CRPPA: variants seen among roughly 807,000 people sequenced by gnomAD.
CRPPA encodes the protein D-ribitol-5-phosphate cytidylyltransferase.
Under a neutral mutation model 52.0 loss-of-function variants are expected in CRPPA, and 43 were observed. The observed-to-expected ratio is 0.83, with a 90% CI of 0.65 to 1.07. The LOEUF (loss-of-function observed/expected upper bound fraction) is 1.07, where lower values mean the gene tolerates loss of function less well. Ranked by LOEUF, CRPPA falls within the 50% of genes least tolerant of loss-of-function variation. The pLI, the probability that CRPPA is intolerant of heterozygous loss-of-function variation, is 0.00. For synonymous variants in CRPPA, 250 were observed against 203.5 expected (o/e 1.23, Z -1.94); for missense variants, 629 against 551.7 (o/e 1.14, Z -1.40).
At chr7:16,301,541 G>A in intron 4 of CRPPA, 75 bp from the exon 5 acceptor site, 5 of 1,050,408 alleles carry the variant, frequency 4.8e-6, no homozygotes, top group Admixed American at 2.0e-5. Flanking sequence ...ATGCCCCCAA[G>A]GAAATTCTTG....
chr7:16,327,827 CA>C (rs1308777883), intron 3 of CRPPA, among the ~76,000 whole-genome samples: 1 of 151,980 alleles, frequency 6.6e-6, no homozygotes, highest in Non-Finnish European at 1.5e-5. Flanking sequence ...AATAAAGGGG[CA>C]ACATGCAACA....
intron 5 of CRPPA, among the ~76,000 whole-genome samples, chr7:16,288,565 G>A (rs537873689): frequency 1.3e-5 from 2 of 151,926 alleles, no homozygotes; most frequent in African/African-American, 4.8e-5. Context: ...CACAATACAG[G>A]CTGGGCACAG....
intron 9 of CRPPA, among the ~76,000 whole-genome samples, chr7:16,138,292 A>C (rs1039202123): frequency 1.1e-4 from 17 of 152,220 alleles, no homozygotes; most frequent in African/African-American, 4.1e-4. Context: ...CAATGCCTCA[A>C]GAAGAGAATT....
At chr7:16,125,270 A>C (rs1473886956) in intron 9 of CRPPA, among the ~76,000 whole-genome samples, 10 of 151,092 alleles carry the variant, frequency 6.6e-5, no homozygotes, top group Admixed American at 2.6e-4. Flanking sequence ...AAAAAAAAAA[A>C]AAAAAAAAAA....
In CRPPA at chr7:16,394,054, T is replaced by C. The variant is rs1371966576; in HGVS notation, c.534+12007A>G. On this transcript the variant is annotated intron_variant, in intron 2 of 9. Coordinates refer to ENST00000407010, the MANE Select transcript of CRPPA (RefSeq NM_001101426.4). Reference sequence around the variant, plus strand: ...AAGTAGTGGTGAGGACTAGGGCAACTTGAACTTCTTTTACGTTACTGATGA... The same window carrying C: ...AAGTAGTGGTGAGGACTAGGGCAACCTGAACTTCTTTTACGTTACTGATGA... Among the ~76,000 whole-genome samples, 40 of 152,126 alleles carry C rather than the reference T, an allele frequency of 2.6e-4. 1 individual carries two copies. The highest frequency in any genetic ancestry group is 2.6e-3 in the Admixed American group (40 of 15,260).
intron 1 of CRPPA, among the ~76,000 whole-genome samples, chr7:16,409,696 T>G (rs1045032079): frequency 3.9e-5 from 6 of 152,224 alleles, no homozygotes; most frequent in African/African-American, 1.4e-4. Context: ...TTTACAATAC[T>G]TCTACACGAT....
intron 4 of CRPPA, among the ~76,000 whole-genome samples, chr7:16,305,864 G>A (rs1183481405): frequency 1.3e-5 from 2 of 152,184 alleles, no homozygotes. Flanking sequence ...CCTGATGACA[G>A]AGCAAGACTC....
chr7:16,329,244 C>T (rs1293071740), intron 3 of CRPPA, among the ~76,000 whole-genome samples: 1 of 152,092 alleles, frequency 6.6e-6, no homozygotes, highest in East Asian at 1.9e-4. Flanking sequence ...TGAGTTTTTT[C>T]CTTTACAGAT....
At chr7:16,362,052 C>T (rs943855740) in intron 3 of CRPPA, among the ~76,000 whole-genome samples, 9 of 152,110 alleles carry the variant, frequency 5.9e-5, no homozygotes, top group Non-Finnish European at 1.3e-4. Flanking sequence ...GACGGGGTTT[C>T]ACCATGTTAG....
rs886042445 is a variant in CRPPA at position 16,216,201 on chromosome 7, C to T, written c.1120-4G>A. On this transcript the variant is annotated splice_region_variant and splice_polypyrimidine_tract_variant and intron_variant, in intron 8 of 9. Transcript: ENST00000407010. ...ATTTAAAATCAAGAAAATGAACCTG[C>T]AAAATATAAAAGACAGTATTTAGAA... is the stretch of plus-strand genomic sequence containing the variant. 5.2e-6 allele frequency: 8 copies of T among 1,548,378 alleles called. No homozygotes were observed. The highest frequency in any genetic ancestry group is 1.4e-5 in the African/African-American group (1 of 72,528).
At chr7:16,309,899 A>C (rs1229914334) in intron 3 of CRPPA, among the ~76,000 whole-genome samples, 4 of 152,174 alleles carry the variant, frequency 2.6e-5, no homozygotes, top group Non-Finnish European at 5.9e-5. Context: ...TATTATTTGA[A>C]GGAGATTCTC....
chr7:16,390,158 A>G (rs768383233), intron 2 of CRPPA, among the ~76,000 whole-genome samples: 1 of 151,794 alleles, frequency 6.6e-6, no homozygotes, highest in Non-Finnish European at 1.5e-5. Context: ...CCTCTCAAAT[A>G]CGTCTCTACA....
chr7:16,382,033 G>T (rs10269322), intron 2 of CRPPA, among the ~76,000 whole-genome samples: 71,758 of 150,518 alleles, frequency 0.48, 18,120 homozygotes, highest in African/African-American at 0.64. Flanking sequence ...ATCCTGTCAT[G>T]ATGATGTTAG....
At chr7:16,403,387 G>A (rs1787875261) in intron 2 of CRPPA, among the ~76,000 whole-genome samples, 1 of 152,088 alleles carries the variant, frequency 6.6e-6, no homozygotes, top group Admixed American at 6.6e-5. Context: ...CTCTTTACCA[G>A]TTTAAGTTTT....
chr7:16,306,174 C>A (rs1990019), intron 4 of CRPPA, among the ~76,000 whole-genome samples: 104,089 of 152,080 alleles, frequency 0.68, 36,034 homozygotes, highest in Non-Finnish European at 0.74. Flanking sequence ...ACCTCGTCTT[C>A]ACTTGATTAC....
At chr7:16,386,352 T>C (rs953269173) in intron 2 of CRPPA, among the ~76,000 whole-genome samples, 1 of 152,104 alleles carries the variant, frequency 6.6e-6, no homozygotes, top group Non-Finnish European at 1.5e-5. Context: ...GTTTGGGGCT[T>C]ATGTAGGTAC....
chr7:16,389,035 C>T (rs779968475), intron 2 of CRPPA, among the ~76,000 whole-genome samples: 9 of 152,064 alleles, frequency 5.9e-5, no homozygotes, highest in Admixed American at 2.0e-4. Context: ...TTAACATATT[C>T]CTAGAAAGAC....
chr7:16,104,391 C>T (rs1170684230), intron 9 of CRPPA, among the ~76,000 whole-genome samples: 1 of 152,162 alleles, frequency 6.6e-6, no homozygotes, highest in Non-Finnish European at 1.5e-5. Flanking sequence ...TAGATGAAGT[C>T]ATTCTCCAGG....
chr7:16,284,860 T>C (rs1225223121), intron 5 of CRPPA, among the ~76,000 whole-genome samples: 1 of 152,122 alleles, frequency 6.6e-6, no homozygotes, highest in Non-Finnish European at 1.5e-5. Flanking sequence ...ATGACTGTAC[T>C]TGTACCACGT....
Sources: gnomAD v4.1 joint callset for allele counts (sites outside exome capture counted in the v4.1 genomes callset) on GRCh38, gnomAD v4.1.1 for gene constraint, MANE v1.5 for transcripts, NCBI Gene and HGNC (gene_info 2026-07-23, HGNC 2026-07-21) for gene names.